Variants in ETFB observed in about 807,000 individuals in gnomAD.
ETFB encodes the protein electron transfer flavoprotein subunit beta.
ETFB carries 20 observed loss-of-function variants against 25.6 expected under a neutral mutation model. That is an observed-to-expected ratio of 0.78 (90% CI 0.55 to 1.14). The LOEUF (loss-of-function observed/expected upper bound fraction) is 1.14, where lower values mean the gene tolerates loss of function less well. Ranked by LOEUF, ETFB falls within the 50% of genes most tolerant of loss-of-function variation. The pLI is 0.00. For synonymous variants in ETFB, 142 were observed against 146.7 expected (o/e 0.97, Z 0.23); for missense variants, 286 against 342.6 (o/e 0.83, Z 1.30).
rs199903123 is a variant in ETFB at position 51,357,486 on chromosome 19, C to CTTTTT, written c.58-3179_58-3178insAAAAA. Among the ~76,000 whole-genome samples the CTTTTT allele has an allele frequency of 5.6e-3, 563 of 100,704 alleles. 25 individuals are homozygous for CTTTTT. The highest frequency in any genetic ancestry group is 0.014 in the Middle Eastern group (2 of 144). 66.1% of individuals were successfully genotyped at this position (100,704 alleles called of 152,430 possible). ...GCCCACCACAATCCTTTTTTTCTTTCTTTCTTTTTTTTTTTTTTTTTGAGA... is the reference window on the plus strand; with the variant it reads ...GCCCACCACAATCCTTTTTTTCTTTCTTTTTTTTCTTTTTTTTTTTTTTTTTGAGA... On this transcript the variant is annotated intron_variant, in intron 1 of 5. Transcript: ENST00000309244.
rs756243839 is a variant in ETFB at position 51,345,195 on chromosome 19, C to T, written c.*16G>A. 1 of 1,613,584 alleles carries T rather than the reference C, an allele frequency of 6.2e-7. No individual in the cohort carries two copies. The highest frequency in any genetic ancestry group is 2.2e-5 in the East Asian group (1 of 44,872). The stretch of plus-strand genomic sequence containing the variant: ...AGATGTTGAGAGTCAGTTTTATTGC[C>T]ATCTCTGGGAGGGGCTCAAATCCGC... On this transcript the variant is annotated 3_prime_UTR_variant, in exon 6 of 6. Coordinates refer to ENST00000309244, the MANE Select transcript of ETFB (RefSeq NM_001985.3).
At chr19:51,364,815 G>A (rs1439858977) in intron 1 of ETFB, among the ~76,000 whole-genome samples, 1 of 152,210 alleles carries the variant, frequency 6.6e-6, no homozygotes, top group Non-Finnish European at 1.5e-5. Context: ...CTTGCCCGGG[G>A]TTTCGATCGT....
chr19:51,361,990 C>T (rs1008540001), intron 1 of ETFB, among the ~76,000 whole-genome samples: 2 of 151,908 alleles, frequency 1.3e-5, no homozygotes, highest in African/African-American at 4.8e-5. Context: ...GCGTGAGCCA[C>T]CAGGCCCAGC....
chr19:51,355,277 G>A (rs1484450614), intron 1 of ETFB: 1 of 152,828 alleles, frequency 6.5e-6, no homozygotes, highest in African/African-American at 2.4e-5. Context: ...CAAAAAGTGG[G>A]CGAAGGATAT....
intron 3 of ETFB, among the ~76,000 whole-genome samples, 169 bp downstream of exon 3, chr19:51,352,963 C>T (rs1985964947): frequency 6.6e-6 from 1 of 152,190 alleles, no homozygotes; most frequent in South Asian, 2.1e-4. Context: ...GGGACTCTGT[C>T]CTCCCTGCTC....
At position 51,345,334 on chromosome 19, in the gene ETFB, AC is replaced by A; in HGVS notation, c.644del (p.Gly215ValfsTer4). On this transcript the variant is annotated frameshift_variant, in exon 6 of 6. Coordinates refer to ENST00000309244, the MANE Select transcript of ETFB (RefSeq NM_001985.3). LOFTEE classifies it high-confidence loss of function. ...KIEVIKPGDL[G>X]VDLTSKLSVI... ...CAGAGAGCTTGGAGGTCAGGTCCAC[AC>A]CCAGGTCCCCAGGCTTGATCACCTC... 3 of 1,613,836 alleles carry A rather than the reference AC, an allele frequency of 1.9e-6. No homozygotes were observed. The South Asian group carries it at 3.3e-5, about 18-fold the overall frequency.
rs1260038126 is a variant in ETFB, at chr19:51,346,823, G to A, written c.597+77C>T. The A allele has an allele frequency of 4.2e-6, 6 of 1,419,590 alleles. No homozygotes were observed. In the African/African-American group the frequency reaches 7.1e-5, roughly 17 times the overall value. The allele number at this position is 1,419,590 out of a possible 1,614,324, so 87.9% of individuals were successfully genotyped here. A position where few individuals can be genotyped will look rare whatever the true frequency, so the allele number is the denominator to read the frequency against. On this transcript the variant is annotated intron_variant, in intron 5 of 5. Coordinates refer to ENST00000309244, the MANE Select transcript of ETFB (RefSeq NM_001985.3). ...CCTTTGGATCCTTCCCTCCCCACGT[G>A]CGACCACCGGGGGGCACTGGGCTGG...
At chr19:51,347,559 T>C in intron 4 of ETFB, 1 of 166,894 alleles carries the variant, frequency 6.0e-6, no homozygotes, top group Non-Finnish European at 1.3e-5. Flanking sequence ...GAACTGTGTG[T>C]GTCCACACCA....
chr19:51,362,652 A>C (rs1017908490), intron 1 of ETFB, among the ~76,000 whole-genome samples: 7 of 152,170 alleles, frequency 4.6e-5, no homozygotes, highest in Non-Finnish European at 7.4e-5. Context: ...CAACTCAATA[A>C]AGTAGATAGT....
intron 1 of ETFB, among the ~76,000 whole-genome samples, chr19:51,360,464 C>T (rs1037639652): frequency 4.0e-5 from 6 of 151,660 alleles, no homozygotes; most frequent in Non-Finnish European, 8.8e-5. Context: ...ATGCAGACAA[C>T]GAGTCAAGGG....
chr19:51,357,486 C>CTTTTTTTTTTTTTTTTTTTTTTTTT lies in ETFB; in HGVS notation c.58-3179_58-3178insAAAAAAAAAAAAAAAAAAAAAAAAA, dbSNP rs199903123. 3.0e-5 allele frequency among the ~76,000 whole-genome samples: 3 copies of CTTTTTTTTTTTTTTTTTTTTTTTTT among 100,786 alleles called. 1 individual carries two copies. The highest frequency in any genetic ancestry group is 4.1e-5 in the Non-Finnish European group (2 of 49,180). 66.1% of individuals were successfully genotyped at this position (100,786 alleles called of 152,430 possible). On this transcript the variant is annotated intron_variant, in intron 1 of 5. Transcript: ENST00000309244. ...GCCCACCACAATCCTTTTTTTCTTT[C>CTTTTTTTTTTTTTTTTTTTTTTTTT]TTTCTTTTTTTTTTTTTTTTTGAGA... is the stretch of plus-strand genomic sequence containing the variant.
intron 3 of ETFB, among the ~76,000 whole-genome samples, chr19:51,352,522 C>G (rs147480519): frequency 1.3e-5 from 2 of 152,292 alleles, no homozygotes; most frequent in Non-Finnish European, 2.9e-5. Flanking sequence ...TGTCTCTGCT[C>G]TGTCCTGTCA....
At chr19:51,359,336 G>A (rs1226504219) in intron 1 of ETFB, among the ~76,000 whole-genome samples, 1 of 151,820 alleles carries the variant, frequency 6.6e-6, no homozygotes, top group African/African-American at 2.4e-5. Flanking sequence ...GGGATTACAG[G>A]TGTGAGTCGC....
At position 51,353,149 on chromosome 19, in the gene ETFB, C is replaced by A. The variant is rs903353205; in HGVS notation, c.358G>T (p.Val120Leu). Residue 120 changes from valine to leucine, a missense_variant, in exon 3 of 6, where the codon GTG becomes TTG. Physicochemically the swap from Val to Leu is conservative, Grantham distance 32 (BLOSUM62 1). Coordinates refer to ENST00000309244, the MANE Select transcript of ETFB (RefSeq NM_001985.3). ...ACAGCTACCTGTTTGCCCAGCAGCA[C>A]CAGGTCCACCTTCTCCTTCTCTGCC... The part of the protein sequence containing the change: ...KLAEKEKVDL[V>L]LLGKQAIDDD... The A allele has an allele frequency of 3.1e-6, 5 of 1,613,976 alleles. No individual in the cohort carries two copies. The highest frequency in any genetic ancestry group is 1.3e-5 in the African/African-American group (1 of 74,914).
chr19:51,364,170 A>G (rs1986296423), intron 1 of ETFB, among the ~76,000 whole-genome samples: 1 of 152,026 alleles, frequency 6.6e-6, no homozygotes, highest in African/African-American at 2.4e-5. Flanking sequence ...AGGTGAGACA[A>G]TGACACCAAG....
intron 1 of ETFB, chr19:51,355,348 T>C (rs1986053150): frequency 6.6e-6 from 1 of 152,212 alleles, no homozygotes; most frequent in Admixed American, 6.5e-5. Context: ...AAAATGCTCA[T>C]CATCACTGGC....
chr19:51,363,500 G>C (rs574773002), intron 1 of ETFB, among the ~76,000 whole-genome samples: 1 of 152,212 alleles, frequency 6.6e-6, no homozygotes, highest in South Asian at 2.1e-4. Flanking sequence ...CCAGGCTGGA[G>C]TACAGGGACA....
intron 1 of ETFB, among the ~76,000 whole-genome samples, chr19:51,357,266 G>GT (rs1986104239): frequency 6.6e-6 from 1 of 150,800 alleles, no homozygotes. Context: ...TAGAGACAGG[G>GT]TTTCACCATG....
rs149504198 is a variant in ETFB at position 51,349,040 on chromosome 19, C to T, written c.438+1289G>A. 2.0e-3 allele frequency among the ~76,000 whole-genome samples: 304 copies of T among 152,248 alleles called. 1 individual carries two copies. The highest frequency in any genetic ancestry group is 7.0e-3 in the African/African-American group (289 of 41,542). ...CAGTAGAAACCATACTGCCAGTGTC[C>T]GTACAACCATTCCGTTTTTTTAGTT... On this transcript the variant is annotated intron_variant, in intron 4 of 5. Transcript: ENST00000309244.
Sources: allele counts gnomAD v4.1 joint callset (sites outside exome capture counted in the v4.1 genomes callset), GRCh38; gene constraint gnomAD v4.1.1; transcripts MANE v1.5; gene names NCBI Gene and HGNC (gene_info 2026-07-23, HGNC 2026-07-21).